Variants in CLPTM1 observed in about 807,000 individuals in gnomAD.
CLPTM1 encodes the protein CLPTM1 regulator of GABA type A receptor forward trafficking.
CLPTM1 carries 21 observed loss-of-function variants against 77.3 expected under a neutral mutation model. The observed-to-expected ratio is 0.27, with a 90% CI of 0.19 to 0.39. The LOEUF is 0.39. Among genes scored for constraint, CLPTM1 ranks in the 10% least tolerant of loss-of-function variants. The pLI is 1.00. For missense variants in CLPTM1, 642 were observed against 921.2 expected (o/e 0.70, Z 3.92); for synonymous variants, 373 against 381.0 (o/e 0.98, Z 0.24).
At chr19:44,983,239 T>C (rs1970925429) in intron 5 of CLPTM1, among the ~76,000 whole-genome samples, 1 of 152,086 alleles carries the variant, frequency 6.6e-6, no homozygotes, top group African/African-American at 2.4e-5. Flanking sequence ...CAGGTCTCTT[T>C]CCCCTTTCCC....
intron 2 of CLPTM1, among the ~76,000 whole-genome samples, chr19:44,963,802 G>C (rs537033927): frequency 6.6e-6 from 1 of 151,748 alleles, no homozygotes; most frequent in African/African-American, 2.4e-5. Flanking sequence ...ATTTTTAGTA[G>C]AGATGGGGTT....
intron 9 of CLPTM1, 73 bp downstream of exon 9, chr19:44,988,246 C>T (rs1971014542): frequency 9.3e-7 from 1 of 1,080,584 alleles, no homozygotes; most frequent in African/African-American, 1.5e-5. Context: ...TTCCTCCTCC[C>T]CTCCCTCCCC....
Position 44,993,257 on chromosome 19 carries a change from C to G in CLPTM1, c.*360C>G, listed in dbSNP as rs1971115609. The G allele has an allele frequency of 4.1e-6, 2 of 491,762 alleles. No homozygotes were observed. Among genetic ancestry groups the G allele is most frequent in the East Asian group, 5.1e-5 (1 of 19,650 alleles). The allele number at this position is 491,762 out of a possible 1,614,324, so 30.5% of individuals were successfully genotyped here. A position where few individuals can be genotyped will look rare whatever the true frequency, so the allele number is the denominator to read the frequency against. On this transcript the variant is annotated 3_prime_UTR_variant, in exon 14 of 14. Coordinates refer to ENST00000337392, the MANE Select transcript of CLPTM1 (RefSeq NM_001294.4). ...CCGTTCATCATCTTGTCCCTCGTCCCCCTACCACACTCCCCCTCCTAGACC... is the reference window on the plus strand; with the variant it reads ...CCGTTCATCATCTTGTCCCTCGTCCGCCTACCACACTCCCCCTCCTAGACC...
intron 4 of CLPTM1, among the ~76,000 whole-genome samples, chr19:44,977,071 G>A (rs1199846351): frequency 3.9e-5 from 6 of 152,126 alleles, no homozygotes; most frequent in Admixed American, 1.3e-4. Flanking sequence ...TCGGGTCAGT[G>A]CTGTGGGAAC....
intron 5 of CLPTM1, among the ~76,000 whole-genome samples, chr19:44,981,982 C>T (rs928724079): frequency 2.6e-5 from 4 of 151,950 alleles, no homozygotes; most frequent in African/African-American, 9.7e-5. Context: ...AACATATTCT[C>T]GTTTCAACAT....
chr19:44,984,203 C>G (rs577411573), intron 5 of CLPTM1: 17 of 152,380 alleles, frequency 1.1e-4, no homozygotes, highest in Admixed American at 2.0e-4. Flanking sequence ...CGTCTGCTGC[C>G]TCTTTATAGT....
chr19:44,991,284 G>T lies in CLPTM1; in HGVS notation c.1466G>T (p.Cys489Phe), dbSNP rs1262964144. 3.1e-6 allele frequency: 5 copies of T among 1,614,094 alleles called. No individual in the cohort carries two copies. The South Asian group carries it at 5.5e-5, about 18-fold the overall frequency. ...LSWILFPLLG[C>F]YAVYSLLYLE... ...TGGATCCTCTTCCCGCTCCTGGGCT[G>T]CTATGCCGTCTACAGTCTTCTGTAC... Residue 489 changes from cysteine (C) to phenylalanine (F), a missense_variant, in exon 12 of 14, where the codon TGC becomes TTC. Coordinates refer to ENST00000337392, the MANE Select transcript of CLPTM1 (RefSeq NM_001294.4). This position sits in a 1 kb window ranked among gnomAD's most constrained non-coding sequence, Gnocchi z 5.4.
chr19:44,990,271 C>A lies in CLPTM1; in HGVS notation c.1133-124C>A, dbSNP rs1971048384. 1 of 921,294 alleles carries A rather than the reference C, an allele frequency of 1.1e-6. No individual in the cohort carries two copies. Among genetic ancestry groups the A allele is most frequent in the Non-Finnish European group, 1.7e-6 (1 of 598,016 alleles). 57.1% of individuals were successfully genotyped at this position (921,294 alleles called of 1,614,324 possible). ...TGGGAGAGAGGGGTCTCGTTCAGCA[C>A]CCCTCCTGAGGACCCAGCCCCACCC... is the stretch of plus-strand genomic sequence containing the variant. On this transcript the variant is annotated intron_variant, in intron 9 of 13. Transcript: ENST00000337392. The surrounding 1 kb of genome is among the most constrained non-coding windows in gnomAD (Gnocchi z 4.8).
chr19:44,965,135 C>T (rs1461506117), intron 2 of CLPTM1, among the ~76,000 whole-genome samples: 1 of 151,944 alleles, frequency 6.6e-6, no homozygotes, highest in East Asian at 1.9e-4. Context: ...AAATAAGAGA[C>T]CACACCATGC....
At chr19:44,987,048 TG>T (rs1970989624) in intron 7 of CLPTM1, 130 bp from the exon 8 acceptor site, 1 of 1,217,698 alleles carries the variant, frequency 8.2e-7, no homozygotes, top group African/African-American at 1.5e-5. Context: ...CCTCATGGTG[TG>T]GCCTAGAAAT....
chr19:44,992,155 G>A lies in CLPTM1; in HGVS notation c.1556-78G>A. The A allele has an allele frequency of 2.0e-6, 3 of 1,476,418 alleles. No homozygotes were observed. Among genetic ancestry groups the A allele is most frequent in the East Asian group, 2.3e-5 (1 of 43,956 alleles). 91.5% of individuals were successfully genotyped at this position (1,476,418 alleles called of 1,614,324 possible). A position where few individuals can be genotyped will look rare whatever the true frequency, so the allele number is the denominator to read the frequency against. ...CCCAGGTGTAGGAAGTGGTGAGGGG[G>A]CTGGTATGGCCAGTGCAGAGTGCAC... On this transcript the variant is annotated intron_variant, in intron 12 of 13. Coordinates refer to ENST00000337392, the MANE Select transcript of CLPTM1 (RefSeq NM_001294.4). This position sits in a 1 kb window ranked among gnomAD's most constrained non-coding sequence, Gnocchi z 7.7.
intron 1 of CLPTM1, among the ~76,000 whole-genome samples, chr19:44,956,232 CAG>C (rs1970462133): frequency 6.6e-6 from 1 of 152,130 alleles, no homozygotes; most frequent in African/African-American, 2.4e-5. Flanking sequence ...GGAGGCAGCT[CAG>C]GGGAAAGGAG....
intron 2 of CLPTM1, among the ~76,000 whole-genome samples, chr19:44,965,485 A>G (rs1239183769): frequency 1.3e-5 from 2 of 150,922 alleles, no homozygotes; most frequent in Non-Finnish European, 2.9e-5. Flanking sequence ...CGACAGAGCA[A>G]GACTGAGTCT....
chr19:44,992,353 T>G lies in CLPTM1; in HGVS notation c.1676T>G (p.Phe559Cys). Residue 559 changes from phenylalanine (F) to cysteine (C), a missense_variant, in exon 13 of 14, where the codon TTT becomes TGT. By Grantham distance (205) the Phe-to-Cys change is radical. This residue lies in a region of CLPTM1 where 521 missense variants were observed against 800.4 expected (regional missense o/e 0.65). Coordinates refer to ENST00000337392, the MANE Select transcript of CLPTM1 (RefSeq NM_001294.4). The surrounding 1 kb of genome is among the most constrained non-coding windows in gnomAD (Gnocchi z 7.7). The stretch of plus-strand genomic sequence containing the variant: ...ACATTCATCGACGACCTGTTCGCCT[T>G]TGTCATCAAGATGCCCGTTATGTAC... ...LNTFIDDLFA[F>C]VIKMPVMYRI... 1.9e-6 allele frequency: 3 copies of G among 1,614,148 alleles called. No homozygotes were observed. The highest frequency in any genetic ancestry group is 2.5e-6 in the Non-Finnish European group (3 of 1,179,986).
At chr19:44,957,414 A>T (rs1326740598) in intron 1 of CLPTM1, among the ~76,000 whole-genome samples, 1 of 152,234 alleles carries the variant, frequency 6.6e-6, no homozygotes, top group Non-Finnish European at 1.5e-5. Context: ...AGCACCACTC[A>T]GCTCAGCGCC....
intron 3 of CLPTM1, among the ~76,000 whole-genome samples, chr19:44,973,769 T>TTGTTTG (rs74479414): frequency 2.3e-4 from 31 of 134,796 alleles, no homozygotes; most frequent in Admixed American, 2.2e-4. Context: ...GGGTTTTTTT[T>TTGTTTG]TTTTTTTTTT....
intron 2 of CLPTM1, among the ~76,000 whole-genome samples, chr19:44,964,034 G>A (rs1449655402): frequency 4.6e-5 from 7 of 151,906 alleles, no homozygotes; most frequent in Non-Finnish European, 8.8e-5. Flanking sequence ...CCAAAGTGCT[G>A]GGATTACAGG....
intron 5 of CLPTM1, among the ~76,000 whole-genome samples, chr19:44,980,435 G>A (rs1407195630): frequency 1.3e-5 from 2 of 151,100 alleles, no homozygotes; most frequent in Admixed American, 6.6e-5. Context: ...TTTGGACCCC[G>A]GAGGCGGAGA....
chr19:44,958,832 C>T (rs571976102), intron 1 of CLPTM1, among the ~76,000 whole-genome samples: 1 of 152,128 alleles, frequency 6.6e-6, no homozygotes, highest in South Asian at 2.1e-4. Flanking sequence ...CTCTGCTGCT[C>T]CCAATCCTAG....
Sources: allele counts gnomAD v4.1 joint callset (sites outside exome capture counted in the v4.1 genomes callset), GRCh38; gene constraint gnomAD v4.1.1; regional missense constraint gnomAD v4.1.1; non-coding constraint Gnocchi (gnomAD v3.1); transcripts MANE v1.5; gene names NCBI Gene and HGNC (gene_info 2026-07-23, HGNC 2026-07-21).